NR6A1: variants seen among roughly 807,000 people sequenced by gnomAD.
The protein encoded by NR6A1 is retinoic acid receptor-related testis-associated receptor.
Under a neutral mutation model 59.1 loss-of-function variants are expected in NR6A1, and 7 were observed. The ratio of observed to expected loss-of-function variants is 0.12; its 90% confidence interval spans 0.07 to 0.22. NR6A1 has a LOEUF of 0.22. NR6A1 is among the 10% of genes least tolerant of loss of function. The pLI is 1.00. For missense variants in NR6A1, 468 were observed against 611.6 expected (o/e 0.77, Z 2.48); for synonymous variants, 243 against 236.1 (o/e 1.03, Z -0.27).
intron 2 of NR6A1, among the ~76,000 whole-genome samples, chr9:124,590,129 A>G (rs1384882790): frequency 6.6e-6 from 1 of 150,442 alleles, no homozygotes; most frequent in African/African-American, 2.4e-5. Flanking sequence ...CTGAAGCCAC[A>G]TGCTGAAACT....
intron 3 of NR6A1, among the ~76,000 whole-genome samples, chr9:124,552,727 G>C (rs143995236): frequency 1.3e-5 from 2 of 152,032 alleles, no homozygotes; most frequent in African/African-American, 2.4e-5. Context: ...TTAATAACAG[G>C]GTTGTTGTAT....
At chr9:124,587,332 G>A (rs1003668841) in intron 2 of NR6A1, among the ~76,000 whole-genome samples, 6 of 152,044 alleles carry the variant, frequency 3.9e-5, no homozygotes, top group South Asian at 2.1e-4. Context: ...AACCAAACTC[G>A]CAATATCTCT....
chr9:124,636,808 T>C (rs2130892049), intron 2 of NR6A1, among the ~76,000 whole-genome samples: 1 of 152,332 alleles, frequency 6.6e-6, no homozygotes, highest in African/African-American at 2.4e-5. Flanking sequence ...CACACTGTCT[T>C]GATTATGGTA....
intron 8 of NR6A1, among the ~76,000 whole-genome samples, chr9:124,525,422 T>C (rs1044111347): frequency 6.6e-6 from 1 of 151,882 alleles, no homozygotes; most frequent in Non-Finnish European, 1.5e-5. Context: ...TGGAGTGCAG[T>C]GGTGTGATCA....
At chr9:124,701,319 A>G (rs1838944553) in intron 2 of NR6A1, among the ~76,000 whole-genome samples, 1 of 152,212 alleles carries the variant, frequency 6.6e-6, no homozygotes, top group Non-Finnish European at 1.5e-5. Context: ...GCATCTCCCT[A>G]ATGACTAATT....
chr9:124,714,874 A>C (rs1005203871), intron 2 of NR6A1, among the ~76,000 whole-genome samples: 3 of 152,154 alleles, frequency 2.0e-5, no homozygotes, highest in Non-Finnish European at 2.9e-5. Context: ...GACCTAAATA[A>C]GGAGAAAGAT....
Position 124,527,067 on chromosome 9 carries a change from C to CGT in NR6A1, c.1080-169_1080-168dup, listed in dbSNP as rs374138343. 4.2e-3 allele frequency among the ~76,000 whole-genome samples: 645 copies of CGT among 152,270 alleles called. 4 individuals are homozygous for CGT. The highest frequency in any genetic ancestry group is 0.014 in the African/African-American group (588 of 41,554). ...GATCCATGCTTTGTCTACAGGCCAA[C>CGT]GTAGCTCATGCAAGCTGCTTTTTCC... On this transcript the variant is annotated intron_variant, in intron 7 of 9. Coordinates refer to ENST00000487099, the MANE Select transcript of NR6A1 (RefSeq NM_033334.4).
intron 2 of NR6A1, chr9:124,595,664 C>T (rs969876947): frequency 2.0e-5 from 12 of 595,934 alleles, no homozygotes; most frequent in Non-Finnish European, 3.4e-5. Flanking sequence ...CTGTGGACTG[C>T]CTCCCTTCTC....
chr9:124,677,604 A>G (rs1231313146), intron 2 of NR6A1, among the ~76,000 whole-genome samples: 1 of 152,014 alleles, frequency 6.6e-6, no homozygotes, highest in East Asian at 1.9e-4. Flanking sequence ...TGGTAAGGTA[A>G]ACAAATCTTA....
rs533282447 is a variant in NR6A1, at chr9:124,533,571, G to A, written c.1079+2307C>T. Among the ~76,000 whole-genome samples, 339 of 152,326 alleles carry A rather than the reference G, an allele frequency of 2.2e-3. 2 individuals are homozygous for A. Among genetic ancestry groups the A allele is most frequent in the Admixed American group, 8.7e-3 (133 of 15,302 alleles). On this transcript the variant is annotated intron_variant, in intron 7 of 9. Coordinates refer to ENST00000487099, the MANE Select transcript of NR6A1 (RefSeq NM_033334.4). ...GCTTGTCTTTATGCCACAACTGGGT[G>A]GGAGGGGGAGATGGATCCCAGTTCT...
At chr9:124,649,726 TA>T in intron 2 of NR6A1, among the ~76,000 whole-genome samples, 2 of 152,130 alleles carry the variant, frequency 1.3e-5, no homozygotes, top group African/African-American at 4.8e-5. Context: ...GATGAATAAC[TA>T]AATATACACG....
intron 2 of NR6A1, among the ~76,000 whole-genome samples, chr9:124,715,673 T>C (rs1459367172): frequency 6.6e-6 from 1 of 151,868 alleles, no homozygotes; most frequent in Non-Finnish European, 1.5e-5. Flanking sequence ...AAAAGAAAGT[T>C]GATATGCTAA....
chr9:124,561,304 G>A (rs1198823384), intron 2 of NR6A1, among the ~76,000 whole-genome samples: 1 of 151,906 alleles, frequency 6.6e-6, no homozygotes, highest in Admixed American at 6.6e-5. Context: ...AGACGTGGTG[G>A]TGCGCCTATA....
chr9:124,562,536 C>CCCT (rs1834112017), intron 2 of NR6A1, among the ~76,000 whole-genome samples: 2 of 152,082 alleles, frequency 1.3e-5, no homozygotes, highest in South Asian at 4.1e-4. Context: ...CCTCAAATGA[C>CCCT]CCTCACGCCT....
intron 2 of NR6A1, among the ~76,000 whole-genome samples, chr9:124,562,339 C>T (rs1314078012): frequency 6.6e-6 from 1 of 152,218 alleles, no homozygotes; most frequent in African/African-American, 2.4e-5. Flanking sequence ...GTTACCATAA[C>T]TAAACACAAA....
intron 2 of NR6A1, among the ~76,000 whole-genome samples, chr9:124,630,478 C>T (rs895422580): frequency 1.3e-5 from 2 of 151,036 alleles, no homozygotes; most frequent in African/African-American, 2.4e-5. Flanking sequence ...CTCAGGTGAT[C>T]CGCCTGCTTT....
intron 1 of NR6A1, among the ~76,000 whole-genome samples, chr9:124,762,403 A>C (rs185418260): frequency 6.6e-6 from 1 of 152,330 alleles, no homozygotes; most frequent in East Asian, 1.9e-4. Context: ...TCTCCTTAAT[A>C]TCTGGCTTAA....
At chr9:124,592,853 GAAGA>G (rs1835167761) in intron 2 of NR6A1, among the ~76,000 whole-genome samples, 1 of 152,182 alleles carries the variant, frequency 6.6e-6, no homozygotes, top group African/African-American at 2.4e-5. Flanking sequence ...AAGTTTAGTA[GAAGA>G]AAGGTGGCAA....
chr9:124,634,134 C>A (rs544453276), intron 2 of NR6A1, among the ~76,000 whole-genome samples: 1 of 152,136 alleles, frequency 6.6e-6, no homozygotes, highest in Middle Eastern at 3.4e-3. Flanking sequence ...AAACGCTACA[C>A]AATATTTTTA....
Sources: gnomAD v4.1 joint callset for allele counts (sites outside exome capture counted in the v4.1 genomes callset) on GRCh38, gnomAD v4.1.1 for gene constraint, MANE v1.5 for transcripts, NCBI Gene and HGNC (gene_info 2026-07-23, HGNC 2026-07-21) for gene names.